PAM: variants seen among roughly 807,000 people sequenced by gnomAD.
PAM encodes peptidylglycine alpha-amidating monooxygenase.
PAM carries 72 observed loss-of-function variants against 122.1 expected under a neutral mutation model. That is an observed-to-expected ratio of 0.59 (90% CI 0.49 to 0.72). PAM has a LOEUF of 0.72. PAM is among the 30% of genes least tolerant of loss of function. The pLI is 0.00. For synonymous variants in PAM, 389 were observed against 404.4 expected (o/e 0.96, Z 0.46); for missense variants, 1,106 against 1,183.7 (o/e 0.93, Z 0.96).
intron 7 of PAM, among the ~76,000 whole-genome samples, chr5:102,943,101 G>C (rs1241278098): frequency 6.6e-6 from 1 of 152,032 alleles, no homozygotes; most frequent in Admixed American, 6.6e-5. Context: ...CCAATTAGTG[G>C]GACGTAGTTT....
At chr5:102,818,408 A>G (rs1162941694) in intron 1 of PAM, among the ~76,000 whole-genome samples, 3 of 150,192 alleles carry the variant, frequency 2.0e-5, no homozygotes, top group East Asian at 2.0e-4. Context: ...TAACAGTTGA[A>G]AAAAAAAAAG....
intron 16 of PAM, among the ~76,000 whole-genome samples, chr5:102,991,981 G>C (rs1377100307): frequency 6.6e-6 from 1 of 152,088 alleles, no homozygotes; most frequent in East Asian, 1.9e-4. Flanking sequence ...ATTGGACAAA[G>C]GCCAATTTTT....
At chr5:102,783,676 G>A (rs1759657484) in intron 1 of PAM, among the ~76,000 whole-genome samples, 1 of 152,170 alleles carries the variant, frequency 6.6e-6, no homozygotes, top group Non-Finnish European at 1.5e-5. Flanking sequence ...CTCTGTGCCA[G>A]TTTGCATACT....
intron 16 of PAM, among the ~76,000 whole-genome samples, chr5:102,994,041 A>G (rs1255475683): frequency 1.3e-5 from 2 of 152,114 alleles, no homozygotes; most frequent in Non-Finnish European, 2.9e-5. Context: ...TGTTGGGTCA[A>G]CTAGAAAAAG....
intron 7 of PAM, among the ~76,000 whole-genome samples, chr5:102,936,072 A>G (rs1753149093): frequency 6.6e-6 from 1 of 151,862 alleles, no homozygotes; most frequent in African/African-American, 2.4e-5. Flanking sequence ...TTATTTTACT[A>G]ATTTTACTAT....
chr5:102,904,971 GTC>G (rs1009167406), intron 4 of PAM, among the ~76,000 whole-genome samples: 1 of 151,568 alleles, frequency 6.6e-6, no homozygotes, highest in Admixed American at 6.6e-5. Flanking sequence ...TGTGTGATGT[GTC>G]TATATATCTG....
At chr5:102,925,365 A>G (rs977029422) in intron 6 of PAM, among the ~76,000 whole-genome samples, 1 of 152,300 alleles carries the variant, frequency 6.6e-6, no homozygotes, top group Admixed American at 6.5e-5. Flanking sequence ...GAGAGCTAGG[A>G]ATTAAATAAA....
At chr5:102,961,758 G>A (rs2150250821) in intron 14 of PAM, among the ~76,000 whole-genome samples, 1 of 151,924 alleles carries the variant, frequency 6.6e-6, no homozygotes, top group East Asian at 1.9e-4. Flanking sequence ...TTTAAAAAAA[G>A]CATCATTCTT....
At chr5:102,913,333 C>A (rs1168307058) in intron 4 of PAM, among the ~76,000 whole-genome samples, 4 of 151,920 alleles carry the variant, frequency 2.6e-5, no homozygotes, top group Admixed American at 2.6e-4. Context: ...CTTCTAATAT[C>A]TTTTAACAAG....
At chr5:102,841,433 A>ACACG (rs1389084530) in intron 1 of PAM, among the ~76,000 whole-genome samples, 28 of 151,836 alleles carry the variant, frequency 1.8e-4, no homozygotes, top group Non-Finnish European at 4.4e-5. Flanking sequence ...ACACACACAC[A>ACACG]CACACACACA....
At chr5:102,941,107 C>T (rs1007904277) in intron 7 of PAM, among the ~76,000 whole-genome samples, 1 of 151,976 alleles carries the variant, frequency 6.6e-6, no homozygotes, top group Non-Finnish European at 1.5e-5. Context: ...TTTTTGCATT[C>T]ATAAAAGATG....
At chr5:102,890,553 T>C (rs957080645) in intron 3 of PAM, among the ~76,000 whole-genome samples, 1 of 151,916 alleles carries the variant, frequency 6.6e-6, no homozygotes, top group Non-Finnish European at 1.5e-5. Flanking sequence ...TTGCTAGATA[T>C]AAAACTTTTC....
At chr5:102,932,893 G>T (rs1182422292) in intron 7 of PAM, among the ~76,000 whole-genome samples, 1 of 151,930 alleles carries the variant, frequency 6.6e-6, no homozygotes, top group Non-Finnish European at 1.5e-5. Flanking sequence ...CCATGTAACT[G>T]GGCTCATTGC....
At chr5:103,012,224 G>A (rs1372466533) in intron 21 of PAM, among the ~76,000 whole-genome samples, 10 of 152,148 alleles carry the variant, frequency 6.6e-5, no homozygotes, top group African/African-American at 1.7e-4. Flanking sequence ...GTCTCTTCAC[G>A]TGGTTGATTG....
At chr5:102,946,749 T>G (rs1281321309) in intron 7 of PAM, 88 bp from the exon 8 acceptor site, 4 of 774,394 alleles carry the variant, frequency 5.2e-6, no homozygotes, top group Non-Finnish European at 8.9e-6. Flanking sequence ...TTTAAAATAT[T>G]TGGTTATAAT....
intron 12 of PAM, among the ~76,000 whole-genome samples, chr5:102,954,158 T>A (rs1168857035): frequency 2.6e-5 from 4 of 152,160 alleles, no homozygotes; most frequent in Admixed American, 6.6e-5. Flanking sequence ...TACAAAATTA[T>A]TTTTTATTTC....
At chr5:102,785,511 T>C (rs1292520344) in intron 1 of PAM, among the ~76,000 whole-genome samples, 1 of 152,054 alleles carries the variant, frequency 6.6e-6, no homozygotes, top group Admixed American at 6.6e-5. Flanking sequence ...AAGATGGCAA[T>C]AAGAACTAGA....
Position 103,016,862 on chromosome 5 carries a change from T to C in PAM, c.2332-472T>C, listed in dbSNP as rs78052556. ...ATTTTTCTTATCAATAATATACAAA[T>C]AGTTTTTAAGGTAGCACATGATAGC... is the stretch of plus-strand genomic sequence containing the variant. On this transcript the variant is annotated intron_variant, in intron 21 of 25. Transcript: ENST00000438793. Among the ~76,000 whole-genome samples, 1,262 of 152,300 alleles carry C rather than the reference T, an allele frequency of 8.3e-3. 16 individuals carry two copies. The highest frequency in any genetic ancestry group is 0.028 in the African/African-American group (1,170 of 41,566).
intron 1 of PAM, among the ~76,000 whole-genome samples, chr5:102,789,598 A>G (rs781484876): frequency 4.6e-5 from 7 of 152,126 alleles, no homozygotes; most frequent in Admixed American, 6.6e-5. Context: ...CAGATTCAAG[A>G]CAGAAGATAG....
Sources: gnomAD v4.1 joint callset for allele counts (sites outside exome capture counted in the v4.1 genomes callset) on GRCh38, gnomAD v4.1.1 for gene constraint, MANE v1.5 for transcripts, NCBI Gene and HGNC (gene_info 2026-07-23, HGNC 2026-07-21) for gene names.